DPYD: variants seen among roughly 807,000 people sequenced by gnomAD.
The protein encoded by DPYD is dihydropyrimidine dehydrogenase.
A neutral mutation model predicts 116.2 loss-of-function variants in DPYD; 109 were observed. The ratio of observed to expected loss-of-function variants is 0.94; its 90% CI spans 0.80 to 1.10. The LOEUF (loss-of-function observed/expected upper bound fraction) is 1.10, where lower values mean the gene tolerates loss of function less well. Among genes scored for constraint, DPYD ranks in the 50% least tolerant of loss-of-function variants. The pLI, the probability that DPYD is intolerant of heterozygous loss-of-function variation, is 0.00. For missense variants in DPYD, 1,302 were observed against 1,254.5 expected (o/e 1.04, Z -0.57); for synonymous variants, 440 against 432.0 (o/e 1.02, Z -0.23).
intron 8 of DPYD, among the ~76,000 whole-genome samples, chr1:97,650,686 A>G (rs1214652571): frequency 6.6e-6 from 1 of 152,170 alleles, no homozygotes; most frequent in Non-Finnish European, 1.5e-5. Flanking sequence ...AAACCACAAA[A>G]GAAGGAATTA....
chr1:97,200,930 A>T (rs1372490137), intron 19 of DPYD, among the ~76,000 whole-genome samples: 2 of 152,142 alleles, frequency 1.3e-5, no homozygotes, highest in Non-Finnish European at 2.9e-5. Context: ...GGTGCTATGA[A>T]TTGTTCAGTA....
At chr1:97,792,380 T>A (rs1667365413) in intron 3 of DPYD, among the ~76,000 whole-genome samples, 1 of 151,954 alleles carries the variant, frequency 6.6e-6, no homozygotes, top group African/African-American at 2.4e-5. Context: ...TTCAAGCAAT[T>A]CTCTCTGCTT....
At chr1:97,742,595 T>C (rs748736513) in intron 3 of DPYD, among the ~76,000 whole-genome samples, 11 of 152,140 alleles carry the variant, frequency 7.2e-5, no homozygotes, top group Non-Finnish European at 1.3e-4. Flanking sequence ...TCAAAAATAA[T>C]TTCTTCGAAG....
chr1:97,120,280 T>A, intron 20 of DPYD, among the ~76,000 whole-genome samples: 1 of 152,200 alleles, frequency 6.6e-6, no homozygotes, highest in Admixed American at 6.5e-5. Flanking sequence ...AGGTTTCATC[T>A]TAATCTCTTC....
In DPYD at chr1:97,681,399, T is replaced by C. The variant is rs1415197393; in HGVS notation, c.763-2217A>G. On this transcript the variant is annotated intron_variant, in intron 7 of 22. Coordinates refer to ENST00000370192, the MANE Select transcript of DPYD (RefSeq NM_000110.4). ...AAGAAGTTGGAGAGGAGAATATGAC[T>C]GGAACTGGATCATAGAGGGCAATGT... 2.0e-5 allele frequency among the ~76,000 whole-genome samples: 3 copies of C among 152,108 alleles called. No homozygotes were observed. In the East Asian group the frequency reaches 5.8e-4, roughly 29 times the overall value.
intron 19 of DPYD, among the ~76,000 whole-genome samples, chr1:97,203,164 C>T (rs1269733531): frequency 6.6e-6 from 1 of 152,050 alleles, no homozygotes; most frequent in Non-Finnish European, 1.5e-5. Flanking sequence ...GTTACCACAG[C>T]AATTTTCAAT....
intron 12 of DPYD, chr1:97,546,041 A>G (rs1236473554): frequency 8.0e-6 from 11 of 1,375,160 alleles, no homozygotes; most frequent in Non-Finnish European, 1.1e-5. Flanking sequence ...CACAGGTGTT[A>G]GATGATGAAG....
At chr1:97,377,499 C>T (rs553333084) in intron 15 of DPYD, among the ~76,000 whole-genome samples, 1 of 152,212 alleles carries the variant, frequency 6.6e-6, no homozygotes, top group East Asian at 1.9e-4. Flanking sequence ...CTCACCTGGT[C>T]CTACATTGTC....
At chr1:97,578,337 T>C (rs1329456933) in intron 10 of DPYD, among the ~76,000 whole-genome samples, 1 of 152,014 alleles carries the variant, frequency 6.6e-6, no homozygotes, top group Non-Finnish European at 1.5e-5. Flanking sequence ...AAAAAAAAAG[T>C]ATTTAGCTTC....
intron 20 of DPYD, among the ~76,000 whole-genome samples, chr1:97,155,914 C>A (rs1229348840): frequency 6.6e-6 from 1 of 152,116 alleles, no homozygotes; most frequent in Non-Finnish European, 1.5e-5. Context: ...ACCTACATAT[C>A]AATCACCTGG....
intron 6 of DPYD, among the ~76,000 whole-genome samples, chr1:97,698,089 T>C (rs754948716): frequency 6.6e-6 from 1 of 151,950 alleles, no homozygotes; most frequent in Non-Finnish European, 1.5e-5. Context: ...ATATAGGACA[T>C]TTTACTTTCC....
At chr1:97,531,138 C>T (rs774787088) in intron 12 of DPYD, among the ~76,000 whole-genome samples, 3 of 152,076 alleles carry the variant, frequency 2.0e-5, no homozygotes, top group Non-Finnish European at 4.4e-5. Context: ...ACTTAATCTC[C>T]TTTTGCTTTT....
intron 12 of DPYD, among the ~76,000 whole-genome samples, chr1:97,530,210 TTTTC>T (rs1164022740): frequency 3.5e-5 from 3 of 85,308 alleles, no homozygotes; most frequent in East Asian, 6.5e-4. Context: ...ATTTCTTTTT[TTTTC>T]TTTTTTTTTT....
At chr1:97,641,032 C>A (rs1490077182) in intron 8 of DPYD, among the ~76,000 whole-genome samples, 2 of 152,088 alleles carry the variant, frequency 1.3e-5, no homozygotes, top group Non-Finnish European at 2.9e-5. Flanking sequence ...CATAGGCTCC[C>A]AGTTTTTCTT....
chr1:97,474,392 A>G (rs977301270), intron 13 of DPYD, among the ~76,000 whole-genome samples: 4 of 152,288 alleles, frequency 2.6e-5, no homozygotes, highest in Admixed American at 2.6e-4. Flanking sequence ...AATTAGATAC[A>G]GATCAGGTGT....
chr1:97,852,146 C>T (rs1172883133), intron 2 of DPYD, among the ~76,000 whole-genome samples: 1 of 151,914 alleles, frequency 6.6e-6, no homozygotes, highest in East Asian at 1.9e-4. Flanking sequence ...TAGGAAATTT[C>T]AAGTAGCTAT....
chr1:97,594,168 A>T (rs1167406740), intron 9 of DPYD, among the ~76,000 whole-genome samples: 1 of 152,200 alleles, frequency 6.6e-6, no homozygotes, highest in Non-Finnish European at 1.5e-5. Flanking sequence ...ATAATTTTTT[A>T]AATGGTACCA....
chr1:97,837,680 A>AT (rs1372357727), intron 2 of DPYD, among the ~76,000 whole-genome samples: 2 of 152,176 alleles, frequency 1.3e-5, no homozygotes, highest in Non-Finnish European at 2.9e-5. Flanking sequence ...ATAATAAGTG[A>AT]TTATCAATTC....
chr1:97,836,234 A>T (rs2101515643), intron 2 of DPYD, among the ~76,000 whole-genome samples: 1 of 152,168 alleles, frequency 6.6e-6, no homozygotes, highest in Admixed American at 6.5e-5. Flanking sequence ...CCTCTGTCTC[A>T]ATTTTGGATG....
Sources: gnomAD v4.1 joint callset for allele counts (sites outside exome capture counted in the v4.1 genomes callset) on GRCh38, gnomAD v4.1.1 for gene constraint, MANE v1.5 for transcripts, NCBI Gene and HGNC (gene_info 2026-07-23, HGNC 2026-07-21) for gene names.